The following ELP2 variants were observed in gnomAD, a reference collection of about 807,000 sequenced individuals.
ELP2 encodes the protein elongator acetyltransferase complex subunit 2.
A neutral mutation model predicts 119.2 loss-of-function variants in ELP2; 90 were observed. That is an observed-to-expected ratio of 0.75 (90% confidence interval 0.64 to 0.90). ELP2 has a LOEUF of 0.90. Among genes scored for constraint, ELP2 ranks in the 40% least tolerant of loss-of-function variants. The pLI is 0.00. For synonymous variants in ELP2, 339 were observed against 331.0 expected (o/e 1.02, Z -0.26); for missense variants, 921 against 967.8 (o/e 0.95, Z 0.64).
At chr18:36,145,765 A>C (rs1302393295) in intron 9 of ELP2, among the ~76,000 whole-genome samples, 183 bp from the exon 10 acceptor site, 1 of 152,248 alleles carries the variant, frequency 6.6e-6, no homozygotes, top group Non-Finnish European at 1.5e-5. Context: ...TTGTCTGAAT[A>C]TACCACAACC....
At chr18:36,174,438 A>C in intron 21 of ELP2, 47 bp from the exon 22 acceptor site, 1 of 1,580,210 alleles carries the variant, frequency 6.3e-7, no homozygotes, top group Non-Finnish European at 8.7e-7. Flanking sequence ...TCATGTTTAC[A>C]CCATTAATTG....
At chr18:36,141,234 T>C (rs2090016737) in intron 6 of ELP2, 33 bp downstream of exon 6, 8 of 1,521,634 alleles carry the variant, frequency 5.3e-6, no homozygotes, top group Admixed American at 5.0e-5. Context: ...GCTGGAATTA[T>C]ATTCTGCTTA....
chr18:36,172,266 C>CA (rs1213013809), intron 21 of ELP2, among the ~76,000 whole-genome samples: 5 of 152,028 alleles, frequency 3.3e-5, no homozygotes, highest in Non-Finnish European at 5.9e-5. Context: ...CTGTCCCCCC[C>CA]AAAAAAGTAT....
At chr18:36,163,747 G>A (rs900600115) in intron 17 of ELP2, among the ~76,000 whole-genome samples, 5 of 151,900 alleles carry the variant, frequency 3.3e-5, no homozygotes, top group Admixed American at 6.6e-5. Context: ...GTCTAAAGTC[G>A]GTTGTTCATA....
rs561853812 is a variant in ELP2 at position 36,149,483 on chromosome 18, G to GTTTTTTTTTTTTTTTTTTTTTTTTTTTT, written c.1125+3106_1125+3107insTTTTTTTTTTTTTTTTTTTTTTTTTTTT. Among the ~76,000 whole-genome samples, 3 of 101,816 alleles carry GTTTTTTTTTTTTTTTTTTTTTTTTTTTT rather than the reference G, an allele frequency of 2.9e-5. 1 individual carries two copies. The highest frequency in any genetic ancestry group is 6.8e-4 in the South Asian group (2 of 2,962). The allele number at this position is 101,816 out of a possible 152,430, so 66.8% of individuals were successfully genotyped here. A position where few individuals can be genotyped will look rare whatever the true frequency, so the allele number is the denominator to read the frequency against. On this transcript the variant is annotated intron_variant, in intron 11 of 21. Transcript: ENST00000358232. The stretch of plus-strand genomic sequence containing the variant: ...ACATAGTTGCAGGGTTTTTTGTTTT[G>GTTTTTTTTTTTTTTTTTTTTTTTTTTTT]TTTTGTTTTTTTTTTTTTTGCTTAG...
chr18:36,159,454 T>C (rs2090665952), intron 14 of ELP2, among the ~76,000 whole-genome samples: 1 of 152,190 alleles, frequency 6.6e-6, no homozygotes, highest in South Asian at 2.1e-4. Flanking sequence ...GATGAGAATG[T>C]GGGTAACCTG....
Position 36,164,605 on chromosome 18 carries a change from C to T in ELP2, c.1892C>T (p.Ala631Val). 6.2e-7 allele frequency: 1 copy of T among 1,614,102 alleles called. No homozygotes were observed. The highest frequency in any genetic ancestry group is 8.5e-7 in the Non-Finnish European group (1 of 1,179,998). Residue 631 changes from alanine (A) to valine (V), a missense_variant, in exon 18 of 22, where the codon GCT (alanine) becomes GTT (valine). By Grantham distance (64) the Ala-to-Val change is moderately conservative. Coordinates refer to ENST00000358232, the MANE Select transcript of ELP2 (RefSeq NM_018255.4). ...TCACCTAATGAGAAGTTCTTACTAG[C>T]TGTTTCCAGAGATCGAACCTGGTCA... The part of the protein sequence containing the change: ...AFSPNEKFLL[A>V]VSRDRTWSLW...
rs757633229 is a variant in ELP2, at chr18:36,164,607, G to A, written c.1894G>A (p.Val632Ile). 6.8e-6 allele frequency: 11 copies of A among 1,613,976 alleles called. No homozygotes were observed. In the African/African-American group the frequency reaches 1.2e-4, roughly 18 times the overall value. ...FSPNEKFLLA[V>I]SRDRTWSLWK... ...ACCTAATGAGAAGTTCTTACTAGCT[G>A]TTTCCAGAGATCGAACCTGGTCATT... Residue 632 changes from valine to isoleucine, a missense_variant, in exon 18 of 22, where the codon GTT becomes ATT. Coordinates refer to ENST00000358232, the MANE Select transcript of ELP2 (RefSeq NM_018255.4).
chr18:36,174,583 CA>C lies in ELP2; in HGVS notation c.2425del (p.Ser809AlafsTer8). The C allele has an allele frequency of 1.2e-6, 2 of 1,614,118 alleles. No homozygotes were observed. The highest frequency in any genetic ancestry group is 1.7e-6 in the Non-Finnish European group (2 of 1,179,998). ...GAAGGTGCTGAGTGGTTACACTTTG[CA>C]AGCTGTGGTGAAGATCACACTGTGA... ...EAEGAEWLHF[A>X]SCGEDHTVKI... is the part of the protein sequence containing the mutation. On this transcript the variant is annotated frameshift_variant, in exon 22 of 22. Transcript: ENST00000358232. LOFTEE classifies it high-confidence loss of function.
rs8092286 is a variant in ELP2 at position 36,147,684 on chromosome 18, A to G, written c.1125+1303A>G. ...CCCCTCCCCCCGCCTCAGCCTCCCA[A>G]AGTGCTGGGATTACAGGCGTGAGCC... is the stretch of plus-strand genomic sequence containing the variant. On this transcript the variant is annotated intron_variant, in intron 11 of 21. Coordinates refer to ENST00000358232, the MANE Select transcript of ELP2 (RefSeq NM_018255.4). 7.0e-3 allele frequency among the ~76,000 whole-genome samples: 1,061 copies of G among 152,048 alleles called. 16 individuals carry two copies. The highest frequency in any genetic ancestry group is 0.026 in the Admixed American group (395 of 15,282).
intron 2 of ELP2, among the ~76,000 whole-genome samples, chr18:36,134,076 C>G (rs2089741486): frequency 6.6e-6 from 1 of 151,938 alleles, no homozygotes; most frequent in African/African-American, 2.4e-5. Flanking sequence ...GCAGTCTTCC[C>G]TCTTTAGCCT....
At chr18:36,151,971 C>CTCA (rs34536547) in intron 11 of ELP2, among the ~76,000 whole-genome samples, 54,079 of 150,378 alleles carry the variant, frequency 0.36, 9,764 homozygotes, top group Middle Eastern at 0.44. Flanking sequence ...CCAGGCTGGT[C>CTCA]AACTCCTGAC....
chr18:36,166,425 G>T (rs2090909465), intron 18 of ELP2, among the ~76,000 whole-genome samples: 1 of 141,332 alleles, frequency 7.1e-6, no homozygotes, highest in Non-Finnish European at 1.5e-5. Context: ...CCGCCTCCTG[G>T]GTTCAAGTGA....
intron 21 of ELP2, among the ~76,000 whole-genome samples, chr18:36,173,478 C>T (rs948940169): frequency 5.3e-5 from 8 of 152,206 alleles, no homozygotes; most frequent in Non-Finnish European, 1.2e-4. Context: ...CTCAAAGGAA[C>T]ATGAGCTATC....
intron 2 of ELP2, among the ~76,000 whole-genome samples, chr18:36,135,049 GGGAT>G (rs2089778323): frequency 6.6e-6 from 1 of 152,164 alleles, no homozygotes; most frequent in South Asian, 2.1e-4. Context: ...AATGGTACAA[GGGAT>G]GCCTGTTAGT....
At chr18:36,145,896 T>G in intron 9 of ELP2, 52 bp from the exon 10 acceptor site, 1 of 1,455,648 alleles carries the variant, frequency 6.9e-7, no homozygotes, top group Admixed American at 1.7e-5. Context: ...TCTGGTCATC[T>G]ACAAACATGA....
At chr18:36,140,534 A>G (rs141746084) in intron 5 of ELP2, among the ~76,000 whole-genome samples, 267 of 152,072 alleles carry the variant, frequency 1.8e-3, no homozygotes, top group African/African-American at 5.3e-3. Flanking sequence ...TTTAGTAGAG[A>G]CAAGGTTTTG....
At chr18:36,155,256 A>ACCC (rs2090533046) in intron 12 of ELP2, among the ~76,000 whole-genome samples, 4 of 75,406 alleles carry the variant, frequency 5.3e-5, no homozygotes, top group Admixed American at 1.7e-4. Context: ...CAGGTGATGC[A>ACCC]CCGCCCCTCC....
Position 36,174,759 on chromosome 18 carries a change from G to C in ELP2, c.*118G>C, listed in dbSNP as rs753914141. ...CTGGGTTTTTTTTTTTTTTGAGATG[G>C]AGTCTTGCTTTGTCACAACCTCCAC... On this transcript the variant is annotated 3_prime_UTR_variant, in exon 22 of 22. Transcript: ENST00000358232. 5.0e-6 allele frequency: 5 copies of C among 996,802 alleles called. No individual in the cohort carries two copies. The highest frequency in any genetic ancestry group is 1.5e-5 in the South Asian group (1 of 67,686). The allele number at this position is 996,802 out of a possible 1,614,324, so 61.7% of individuals were successfully genotyped here. A position where few individuals can be genotyped will look rare whatever the true frequency, so the allele number is the denominator to read the frequency against.
Sources: allele counts gnomAD v4.1 joint callset (sites outside exome capture counted in the v4.1 genomes callset), GRCh38; gene constraint gnomAD v4.1.1; transcripts MANE v1.5; gene names NCBI Gene and HGNC (gene_info 2026-07-23, HGNC 2026-07-21).